The following DMGDH variants were observed in gnomAD, a reference collection of about 807,000 sequenced individuals.
DMGDH encodes dimethylglycine dehydrogenase.
Under a neutral mutation model 95.2 loss-of-function variants are expected in DMGDH, and 76 were observed. The observed-to-expected ratio is 0.80, with a 90% CI of 0.66 to 0.97. The LOEUF (loss-of-function observed/expected upper bound fraction) is 0.97. Ranked by LOEUF, DMGDH falls within the 50% of genes least tolerant of loss-of-function variation. DMGDH has a pLI of 0.00. For missense variants in DMGDH, 987 were observed against 1,055.0 expected, an observed-to-expected ratio of 0.94 and a Z score of 0.89; for synonymous variants, 345 against 377.6, an observed-to-expected ratio of 0.91 and a Z score of 1.00.
chr5:79,034,153 C>G (rs948659906), intron 7 of DMGDH, among the ~76,000 whole-genome samples: 9 of 152,072 alleles, frequency 5.9e-5, no homozygotes, highest in African/African-American at 2.2e-4. Context: ...AACATATGTA[C>G]TGTGGTGTCC....
intron 5 of DMGDH, among the ~76,000 whole-genome samples, chr5:79,045,383 T>A (rs138295109): frequency 5.4e-4 from 82 of 152,298 alleles, no homozygotes; most frequent in African/African-American, 1.9e-3. Context: ...AAGATAGAAC[T>A]GGATAATTTG....
intron 9 of DMGDH, among the ~76,000 whole-genome samples, chr5:79,031,567 G>T (rs1009848202): frequency 3.3e-5 from 5 of 152,196 alleles, no homozygotes; most frequent in Non-Finnish European, 7.3e-5. Flanking sequence ...CACACCTGGG[G>T]TACATAAGGA....
chr5:79,021,183 A>C (rs962236618), intron 14 of DMGDH: 2 of 992,072 alleles, frequency 2.0e-6, no homozygotes, highest in Non-Finnish European at 2.4e-6. Context: ...GGCTCTACGG[A>C]GCACTTCCCA....
intron 9 of DMGDH, among the ~76,000 whole-genome samples, chr5:79,031,745 G>T (rs1413647861): frequency 6.6e-6 from 1 of 152,198 alleles, no homozygotes; most frequent in South Asian, 2.1e-4. Flanking sequence ...TTCAGAGCAG[G>T]ATGCTATGTC....
chr5:79,065,268 G>A (rs1455556289), intron 1 of DMGDH, among the ~76,000 whole-genome samples: 2 of 148,656 alleles, frequency 1.3e-5, no homozygotes, highest in Non-Finnish European at 3.0e-5. Context: ...ACCCAGGCTG[G>A]AGTGCAGTGG....
At chr5:79,065,104 C>T (rs571654877) in intron 1 of DMGDH, among the ~76,000 whole-genome samples, 3 of 152,174 alleles carry the variant, frequency 2.0e-5, no homozygotes, top group African/African-American at 7.2e-5. Context: ...CCTAGGCATA[C>T]ACAGGGTCAG....
At chr5:79,030,452 G>C (rs1176102286) in intron 10 of DMGDH, 3 of 257,268 alleles carry the variant, frequency 1.2e-5, no homozygotes, top group Non-Finnish European at 2.3e-5. Flanking sequence ...AGGAGTTCGA[G>C]ACCAACATAT....
In DMGDH at chr5:79,069,663, A is replaced by G. The variant is rs1580241791; in HGVS notation, c.-43T>C. Reference sequence around the variant, plus strand: ...GGGCGCAGGCGCCTGCTCCGAGGCCAGCGGGCAGCCTGAGGCCGCGGGGCC... The same window carrying G: ...GGGCGCAGGCGCCTGCTCCGAGGCCGGCGGGCAGCCTGAGGCCGCGGGGCC... On this transcript the variant is annotated 5_prime_UTR_variant, in exon 1 of 16. Transcript: ENST00000255189. 7.7e-7 allele frequency: 1 copy of G among 1,301,632 alleles called. No homozygotes were observed. Among genetic ancestry groups the G allele is most frequent in the Non-Finnish European group, 9.7e-7 (1 of 1,029,314 alleles). 80.6% of individuals were successfully genotyped at this position (1,301,632 alleles called of 1,614,324 possible). A position where few individuals can be genotyped will look rare whatever the true frequency, so the allele number is the denominator to read the frequency against.
chr5:79,044,569 A>G lies in DMGDH; in HGVS notation c.746-17T>C. ...CCCAAAATCCTTAAACAAAAAAATC[A>G]TTTAAAAGTGTCAGCCCATATATAA... On this transcript the variant is annotated splice_polypyrimidine_tract_variant and intron_variant, in intron 5 of 15. Coordinates refer to ENST00000255189, the MANE Select transcript of DMGDH (RefSeq NM_013391.3). 6.2e-7 allele frequency: 1 copy of G among 1,613,556 alleles called. No homozygotes were observed.
intron 15 of DMGDH, chr5:79,000,197 T>C: frequency 1.6e-6 from 1 of 606,078 alleles, no homozygotes; most frequent in Non-Finnish European, 3.3e-6. Context: ...GGCACAGTTA[T>C]GTTTAAAGTG....
At chr5:79,053,913 T>A (rs1169553883) in intron 4 of DMGDH, among the ~76,000 whole-genome samples, 5 of 152,194 alleles carry the variant, frequency 3.3e-5, no homozygotes, top group Admixed American at 1.3e-4. Flanking sequence ...AACCCTTAGA[T>A]CTGGGGGACA....
rs186302703 is a variant in DMGDH, at chr5:79,017,321, A to G, written c.2250+6950T>C. Among the ~76,000 whole-genome samples the G allele has an allele frequency of 4.4e-3, 665 of 152,320 alleles. 1 individual carries two copies. Among genetic ancestry groups the G allele is most frequent in the African/African-American group, 0.015 (642 of 41,580 alleles). On this transcript the variant is annotated intron_variant, in intron 14 of 15. Coordinates refer to ENST00000255189, the MANE Select transcript of DMGDH (RefSeq NM_013391.3). ...ATACAGAAAGCACTTTAAAAACTCA[A>G]TTAAAAAAAACAAACCCTAGGTAAG...
chr5:79,024,868 T>G (rs545901156), intron 13 of DMGDH, among the ~76,000 whole-genome samples: 1 of 152,364 alleles, frequency 6.6e-6, no homozygotes, highest in African/African-American at 2.4e-5. Flanking sequence ...AACGCCAATA[T>G]TTGGTAATAG....
At chr5:79,036,941 G>C (rs1447519517) in intron 7 of DMGDH, among the ~76,000 whole-genome samples, 2 of 151,986 alleles carry the variant, frequency 1.3e-5, no homozygotes, top group African/African-American at 4.8e-5. Context: ...GGTTAAATGA[G>C]GTCATGAGGG....
intron 2 of DMGDH, among the ~76,000 whole-genome samples, chr5:79,059,114 G>A (rs949472371): frequency 1.3e-5 from 2 of 152,214 alleles, no homozygotes; most frequent in African/African-American, 4.8e-5. Context: ...CTGAGAATAA[G>A]TGAAGTACTC....
In DMGDH at chr5:79,069,536, CAG is replaced by C; in HGVS notation, c.83_84del (p.Ser28CysfsTer83). 6.1e-6 allele frequency: 8 copies of C among 1,309,096 alleles called. No homozygotes were observed. Among genetic ancestry groups the C allele is most frequent in the Non-Finnish European group, 7.8e-6 (8 of 1,031,930 alleles). 81.1% of individuals were successfully genotyped at this position (1,309,096 alleles called of 1,614,324 possible). ...PLQGSPGRPRSVCGREGEEKP... is the reference protein window; with the variant it reads ...PLQGSPGRPRXVCGREGEEKP... Reference sequence around the variant, plus strand: ...CCCACTCACCCTTCCCGGCCGCAGACAGAGCGCGGGCGCCCGGGGGAGCCCTG... The same window carrying C: ...CCCACTCACCCTTCCCGGCCGCAGACAGCGCGGGCGCCCGGGGGAGCCCTG... On this transcript the variant is annotated frameshift_variant, in exon 1 of 16. Transcript: ENST00000255189. LOFTEE classifies it high-confidence loss of function.
intron 3 of DMGDH, among the ~76,000 whole-genome samples, chr5:79,055,404 A>C (rs1392465781): frequency 6.6e-6 from 1 of 152,164 alleles, no homozygotes; most frequent in East Asian, 1.9e-4. Context: ...TAAATATGAG[A>C]AGGGATAAAC....
intron 5 of DMGDH, among the ~76,000 whole-genome samples, chr5:79,050,248 CAAA>C (rs57662602): frequency 2.8e-4 from 22 of 78,624 alleles, no homozygotes; most frequent in African/African-American, 1.2e-3. Flanking sequence ...AACTTTGTCT[CAAA>C]AAAAAAAAAA....
chr5:79,007,031 T>C (rs1333303394), intron 14 of DMGDH, among the ~76,000 whole-genome samples: 1 of 152,188 alleles, frequency 6.6e-6, no homozygotes, highest in African/African-American at 2.4e-5. Flanking sequence ...CCCAGGGTGA[T>C]ACAACTGGTA....
Sources: gnomAD v4.1 joint callset for allele counts (sites outside exome capture counted in the v4.1 genomes callset) on GRCh38, gnomAD v4.1.1 for gene constraint, MANE v1.5 for transcripts, NCBI Gene and HGNC (gene_info 2026-07-23, HGNC 2026-07-21) for gene names.